MGST1: variants seen among roughly 807,000 people sequenced by gnomAD.
MGST1 encodes glutathione S-transferase 12.
Under a neutral mutation model 8.9 loss-of-function variants are expected in MGST1, and 5 were observed. That is an observed-to-expected ratio of 0.56 (90% CI 0.29 to 1.19). The LOEUF (loss-of-function observed/expected upper bound fraction) is 1.19. Ranked by LOEUF, MGST1 falls within the 50% of genes most tolerant of loss-of-function variation. The probability of loss-of-function intolerance (pLI) is 0.08; values close to 1 mark genes in which losing one functional copy is unlikely to be tolerated. For synonymous variants in MGST1, 54 were observed against 67.8 expected, an observed-to-expected ratio of 0.80 and a Z score of 1.00; for missense variants, 182 against 187.4, an observed-to-expected ratio of 0.97 and a Z score of 0.17.
chr12:16,450,464 C>A (rs1941119956), intron 4 of MGST1, among the ~76,000 whole-genome samples: 1 of 151,862 alleles, frequency 6.6e-6, no homozygotes, highest in African/African-American at 2.4e-5. Flanking sequence ...AGGAAGAGTC[C>A]TAGGGCTAGA....
At chr12:16,381,428 G>C (rs1940453267), downstream of MGST1, among the ~76,000 whole-genome samples, 1 of 152,092 alleles carries the variant, frequency 6.6e-6, no homozygotes, top group African/African-American at 2.4e-5. Flanking sequence ...TGAAATTCTG[G>C]GTTGAAAATT....
chr12:16,419,620 CCAAGT>C (rs772530538), intron 1 of MGST1, among the ~76,000 whole-genome samples: 16 of 152,068 alleles, frequency 1.1e-4, no homozygotes, highest in Non-Finnish European at 1.5e-4. Flanking sequence ...TCAAAGGAGA[CCAAGT>C]CAAGGCAAAA....
At chr12:16,525,088 T>C (rs139455654) in intron 4 of MGST1, among the ~76,000 whole-genome samples, 1 of 152,102 alleles carries the variant, frequency 6.6e-6, no homozygotes, top group African/African-American at 2.4e-5. Flanking sequence ...TGATGTGAAA[T>C]AGAATAAATT....
intron 4 of MGST1, among the ~76,000 whole-genome samples, chr12:16,464,153 A>G (rs1009454447): frequency 5.3e-5 from 8 of 152,254 alleles, no homozygotes; most frequent in African/African-American, 1.9e-4. Flanking sequence ...TTTACATAAA[A>G]GATTGTTTTT....
intron 4 of MGST1, among the ~76,000 whole-genome samples, chr12:16,510,686 C>T (rs1297257964): frequency 6.6e-6 from 1 of 152,202 alleles, no homozygotes; most frequent in Non-Finnish European, 1.5e-5. Flanking sequence ...TAGTTTTTCT[C>T]TAACACTGTA....
intron 4 of MGST1, among the ~76,000 whole-genome samples, chr12:16,470,008 G>A (rs1565460573): frequency 6.6e-6 from 1 of 152,110 alleles, no homozygotes; most frequent in Non-Finnish European, 1.5e-5. Flanking sequence ...TTCACTGAGG[G>A]TTGTTGAATT....
chr12:16,530,168 T>C (rs984420), intron 4 of MGST1, among the ~76,000 whole-genome samples: 21,223 of 152,142 alleles, frequency 0.14, 1,623 homozygotes, highest in Middle Eastern at 0.24. Flanking sequence ...AAAACGTTAA[T>C]AAAAATGATG....
chr12:16,460,723 T>C (rs1407281491), intron 4 of MGST1, among the ~76,000 whole-genome samples: 1 of 151,964 alleles, frequency 6.6e-6, no homozygotes, highest in Admixed American at 6.6e-5. Flanking sequence ...ATTCAGGCTA[T>C]ATTGTAATAG....
chr12:16,543,947 A>T (rs11056993), intron 4 of MGST1, among the ~76,000 whole-genome samples: 22,681 of 151,988 alleles, frequency 0.15, 1,787 homozygotes, highest in East Asian at 0.28. Context: ...CTGTTGACTT[A>T]TTCTTCTGTT....
At chr12:16,451,583 G>A (rs1437117004) in intron 4 of MGST1, among the ~76,000 whole-genome samples, 5 of 151,588 alleles carry the variant, frequency 3.3e-5, no homozygotes, top group African/African-American at 7.3e-5. Context: ...ACAGTTATAT[G>A]AATTTTTTAA....
At chr12:16,592,189 A>G (rs542491975), downstream of MGST1, among the ~76,000 whole-genome samples, 1 of 152,190 alleles carries the variant, frequency 6.6e-6, no homozygotes, top group African/African-American at 2.4e-5. Context: ...GCACTCAAAT[A>G]TTTGTCAAGT....
chr12:16,571,889 T>C (rs1942823198), intron 4 of MGST1, among the ~76,000 whole-genome samples: 1 of 152,032 alleles, frequency 6.6e-6, no homozygotes, highest in Non-Finnish European at 1.5e-5. Flanking sequence ...ATAACTTTTA[T>C]TTAATATAAG....
downstream of MGST1, among the ~76,000 whole-genome samples, chr12:16,366,680 C>G (rs1321677493): frequency 6.7e-6 from 1 of 148,346 alleles, no homozygotes; most frequent in East Asian, 2.1e-4. This position sits in a 1 kb window ranked among gnomAD's most constrained non-coding sequence, Gnocchi z 4.0. Context: ...CACACACATA[C>G]TACCATCATC....
chr12:16,484,510 C>G (rs566616938), intron 4 of MGST1, among the ~76,000 whole-genome samples: 2 of 151,994 alleles, frequency 1.3e-5, no homozygotes, highest in African/African-American at 4.8e-5. Flanking sequence ...ATAAAGAAAA[C>G]GGGTTTAACT....
chr12:16,372,644 A>G (rs1453787550), intron 3 of MGST1, among the ~76,000 whole-genome samples: 1 of 151,974 alleles, frequency 6.6e-6, no homozygotes, highest in Non-Finnish European at 1.5e-5. Context: ...TTAAAAATAG[A>G]ATTACCATAT....
intron 1 of MGST1, among the ~76,000 whole-genome samples, chr12:16,416,378 CA>C (rs1788300115): frequency 6.6e-6 from 1 of 152,124 alleles, no homozygotes; most frequent in African/African-American, 2.4e-5. Context: ...GTAGTGCTAA[CA>C]CTGAGGATTG....
intron 4 of MGST1, among the ~76,000 whole-genome samples, chr12:16,565,348 T>C (rs145742125): frequency 7.2e-4 from 110 of 152,336 alleles, no homozygotes; most frequent in Non-Finnish European, 9.8e-4. Flanking sequence ...ATGCTTCTCA[T>C]CTACTTTCTT....
At chr12:16,348,257 C>T (rs1185750221) in intron 1 of MGST1, among the ~76,000 whole-genome samples, 3 of 152,218 alleles carry the variant, frequency 2.0e-5, no homozygotes, top group African/African-American at 2.4e-5. Context: ...TGCTAGCTAT[C>T]GAAACAAGAG....
At chr12:16,520,861 T>C (rs2137189612) in intron 4 of MGST1, among the ~76,000 whole-genome samples, 1 of 152,294 alleles carries the variant, frequency 6.6e-6, no homozygotes, top group South Asian at 2.1e-4. Flanking sequence ...TCATTTGGGG[T>C]ACCCAATAAA....
Sources: allele counts gnomAD v4.1 joint callset (sites outside exome capture counted in the v4.1 genomes callset), GRCh38; gene constraint gnomAD v4.1.1; non-coding constraint Gnocchi (gnomAD v3.1); transcripts MANE v1.5; gene names NCBI Gene and HGNC (gene_info 2026-07-23, HGNC 2026-07-21).